Variants in MORC1 observed in about 807,000 individuals in gnomAD.
MORC1 encodes the protein MORC family CW-type zinc finger protein 1.
MORC1 carries 59 observed loss-of-function variants against 134.9 expected under a neutral mutation model. The observed-to-expected ratio is 0.44, with a 90% CI of 0.35 to 0.54. The LOEUF is 0.54. MORC1 is among the 20% of genes least tolerant of loss of function. The probability of loss-of-function intolerance (pLI) is 0.00; values close to 1 mark genes in which losing one functional copy is unlikely to be tolerated. For synonymous variants in MORC1, 395 were observed against 391.7 expected (o/e 1.01, Z -0.10); for missense variants, 947 against 1,134.5 (o/e 0.83, Z 2.37).
At chr3:109,106,743 C>T (rs1951047986) in intron 3 of MORC1, among the ~76,000 whole-genome samples, 1 of 152,136 alleles carries the variant, frequency 6.6e-6, no homozygotes, top group African/African-American at 2.4e-5. Flanking sequence ...TTTCTCTATC[C>T]CCAGTATACT....
intron 26 of MORC1, among the ~76,000 whole-genome samples, chr3:108,964,317 G>A (rs1947159421): frequency 6.6e-6 from 1 of 152,140 alleles, no homozygotes; most frequent in Admixed American, 6.5e-5. Context: ...TTTCTAGAAG[G>A]CCAAGAGATA....
chr3:108,997,051 T>C lies in MORC1; in HGVS notation c.2187+3506A>G, dbSNP rs1340051398. On this transcript the variant is annotated intron_variant, in intron 21 of 27. Coordinates refer to ENST00000232603, the MANE Select transcript of MORC1 (RefSeq NM_014429.4). ...AAAAAAAAAAATGCTGTGGAAGCAA[T>C]ACCAACAAAGAATATGAGCAGAAGT... Among the ~76,000 whole-genome samples, 6 of 98,050 alleles carry C rather than the reference T, an allele frequency of 6.1e-5. No homozygotes were observed. The East Asian group carries it at 7.8e-4, about 13-fold the overall frequency. The allele number at this position is 98,050 out of a possible 152,430, so 64.3% of individuals were successfully genotyped here. A position where few individuals can be genotyped will look rare whatever the true frequency, so the allele number is the denominator to read the frequency against.
intron 1 of MORC1, among the ~76,000 whole-genome samples, chr3:109,116,721 A>G (rs1049103353): frequency 3.3e-5 from 5 of 152,220 alleles, no homozygotes; most frequent in Admixed American, 6.5e-5. Context: ...TCAAGGCTAC[A>G]GAGAACTATG....
At chr3:108,987,307 C>A (rs1947921200) in intron 21 of MORC1, among the ~76,000 whole-genome samples, 1 of 152,190 alleles carries the variant, frequency 6.6e-6, no homozygotes, top group Non-Finnish European at 1.5e-5. Context: ...ACCATTGAGC[C>A]TCTATCGTTT....
chr3:108,996,491 A>G (rs1164738506), intron 21 of MORC1, among the ~76,000 whole-genome samples: 1 of 152,210 alleles, frequency 6.6e-6, no homozygotes, highest in East Asian at 1.9e-4. Flanking sequence ...GAGGCTATCT[A>G]GAGCATTTGG....
chr3:109,112,490 A>T (rs894102104), intron 2 of MORC1, among the ~76,000 whole-genome samples: 4 of 152,224 alleles, frequency 2.6e-5, no homozygotes, highest in Non-Finnish European at 5.9e-5. Context: ...GTCAACTACT[A>T]GCATCTAAGC....
In MORC1 at chr3:109,007,044, T is replaced by G. The variant is rs1230199081; in HGVS notation, c.1752A>C (p.Leu584=). 6.2e-7 allele frequency: 1 copy of G among 1,612,416 alleles called. No individual in the cohort carries two copies. Among genetic ancestry groups the G allele is most frequent in the Non-Finnish European group, 8.5e-7 (1 of 1,179,152 alleles). Residue 584 remains leucine (L), a synonymous_variant, in exon 18 of 28, where the codon CTA becomes CTC. Transcript: ENST00000232603. ...VDEITVTSTC[L]TSAHKENTKT... ...AATTACTCACCTTATGTGCTGAAGT[T>G]AGGCAGGTGGAAGTGACAGTGATTT...
At chr3:109,062,448 T>C (rs1576696539) in intron 10 of MORC1, among the ~76,000 whole-genome samples, 2 of 146,854 alleles carry the variant, frequency 1.4e-5, no homozygotes, top group African/African-American at 5.1e-5. Flanking sequence ...TGAGACAGAG[T>C]CTCGCTCTAT....
In MORC1 at chr3:109,074,083, T is replaced by C. The variant is rs149874034; in HGVS notation, c.690-4326A>G. On this transcript the variant is annotated intron_variant, in intron 8 of 27. Coordinates refer to ENST00000232603, the MANE Select transcript of MORC1 (RefSeq NM_014429.4). ...GACATGGAATGCTGCCCAATGACTGTCAATTTAGAAACATGCTGGCAACGT... is the reference window on the plus strand; with the variant it reads ...GACATGGAATGCTGCCCAATGACTGCCAATTTAGAAACATGCTGGCAACGT... 5.5e-3 allele frequency among the ~76,000 whole-genome samples: 839 copies of C among 152,296 alleles called. 6 individuals are homozygous for C. The highest frequency in any genetic ancestry group is 0.019 in the African/African-American group (786 of 41,564).
chr3:109,017,838 A>G (rs1323680180), intron 17 of MORC1, among the ~76,000 whole-genome samples: 3 of 152,208 alleles, frequency 2.0e-5, no homozygotes, highest in Admixed American at 6.5e-5. Flanking sequence ...TCATTTTTAA[A>G]TGACACTTAT....
intron 21 of MORC1, among the ~76,000 whole-genome samples, chr3:108,998,540 G>C (rs541361618): frequency 2.0e-5 from 3 of 152,010 alleles, no homozygotes; most frequent in Admixed American, 6.5e-5. Flanking sequence ...CTTCCTTCTT[G>C]AAATTTAATA....
At chr3:109,104,493 T>C (rs1950985852) in intron 3 of MORC1, among the ~76,000 whole-genome samples, 1 of 152,164 alleles carries the variant, frequency 6.6e-6, no homozygotes, top group African/African-American at 2.4e-5. Context: ...GATTTGAAGA[T>C]ATCATTAAAT....
rs1019442011 is a variant in MORC1, at chr3:109,058,885, T to C, written c.1031+921A>G. On this transcript the variant is annotated intron_variant, in intron 12 of 27. Transcript: ENST00000232603. Reference sequence around the variant, plus strand: ...TCATGGCAACTGGCATTATTATTAATGAAGTGTTGATTGGTCACTTTTCAA... The same window carrying C: ...TCATGGCAACTGGCATTATTATTAACGAAGTGTTGATTGGTCACTTTTCAA... Among the ~76,000 whole-genome samples the C allele has an allele frequency of 2.0e-5, 3 of 152,130 alleles. 1 individual carries two copies. Among genetic ancestry groups the C allele is most frequent in the Admixed American group, 1.3e-4 (2 of 15,280 alleles).
chr3:109,008,299 G>T (rs1948597411), intron 17 of MORC1, among the ~76,000 whole-genome samples: 1 of 152,006 alleles, frequency 6.6e-6, no homozygotes, highest in Admixed American at 6.5e-5. Flanking sequence ...GGGTCAACAG[G>T]TACATGCATT....
At chr3:108,996,861 T>A (rs926047942) in intron 21 of MORC1, among the ~76,000 whole-genome samples, 2 of 151,520 alleles carry the variant, frequency 1.3e-5, no homozygotes, top group Admixed American at 1.3e-4. Context: ...ATAAAAAAAA[T>A]TAGCCGGGCA....
intron 27 of MORC1, among the ~76,000 whole-genome samples, chr3:108,963,210 G>A (rs1292283759): frequency 2.0e-5 from 3 of 150,448 alleles, no homozygotes; most frequent in Admixed American, 6.6e-5. Context: ...AAAAAGATAC[G>A]AAAGAACACA....
At chr3:108,965,684 T>A (rs568377240) in intron 26 of MORC1, among the ~76,000 whole-genome samples, 1 of 152,288 alleles carries the variant, frequency 6.6e-6, no homozygotes, top group South Asian at 2.1e-4. Context: ...AAATTCAATT[T>A]CCTGGTTTTG....
intron 17 of MORC1, among the ~76,000 whole-genome samples, chr3:109,013,211 T>C (rs1013945344): frequency 6.6e-6 from 1 of 152,176 alleles, no homozygotes; most frequent in African/African-American, 2.4e-5. Context: ...TGGTTTCTTA[T>C]TGACATTTTA....
Position 109,079,797 on chromosome 3 carries a change from C to T in MORC1, c.690-10040G>A, listed in dbSNP as rs1576719961. ...AGTAAGTGGTCAGATATAAAATCAA[C>T]AGGCAAACATCAATGGTTTTTAACA... On this transcript the variant is annotated intron_variant, in intron 8 of 27. Transcript: ENST00000232603. 1.3e-5 allele frequency among the ~76,000 whole-genome samples: 2 copies of T among 152,114 alleles called. 1 individual carries two copies. The highest frequency in any genetic ancestry group is 3.9e-4 in the East Asian group (2 of 5,184).
Sources: allele counts gnomAD v4.1 joint callset (sites outside exome capture counted in the v4.1 genomes callset), GRCh38; gene constraint gnomAD v4.1.1; transcripts MANE v1.5; gene names NCBI Gene and HGNC (gene_info 2026-07-23, HGNC 2026-07-21).